EEF2K: variants seen among roughly 807,000 people sequenced by gnomAD.
EEF2K encodes eukaryotic elongation factor 2 kinase.
In EEF2K, 70 loss-of-function variants were observed where a neutral mutation model predicts 93.8. The ratio of observed to expected loss-of-function variants is 0.75; its 90% CI spans 0.62 to 0.91. The LOEUF is 0.91. Among genes scored for constraint, EEF2K ranks in the 40% least tolerant of loss-of-function variants. EEF2K has a pLI of 0.00. For missense variants in EEF2K, 935 were observed against 972.9 expected, an observed-to-expected ratio of 0.96 and a Z score of 0.52; for synonymous variants, 376 against 380.8, an observed-to-expected ratio of 0.99 and a Z score of 0.15.
At chr16:22,268,649 T>A (rs948460823) in intron 15 of EEF2K, among the ~76,000 whole-genome samples, 5 of 151,772 alleles carry the variant, frequency 3.3e-5, no homozygotes, top group Admixed American at 6.6e-5. Flanking sequence ...TTTTTTTTTT[T>A]AATTTTTAAA....
chr16:22,250,398 T>A (rs1268765916), intron 4 of EEF2K, among the ~76,000 whole-genome samples: 2 of 152,106 alleles, frequency 1.3e-5, no homozygotes, highest in African/African-American at 4.8e-5. Flanking sequence ...TCCCCCATCA[T>A]CCTGCCCCCG....
Position 22,286,040 on chromosome 16 carries a change from T to A in EEF2K, c.*2044T>A, listed in dbSNP as rs1164991785. 6.6e-6 allele frequency: 1 copy of A among 152,160 alleles called. No individual in the cohort carries two copies. The highest frequency in any genetic ancestry group is 1.5e-5 in the Non-Finnish European group (1 of 68,022). 9.4% of individuals were successfully genotyped at this position (152,160 alleles called of 1,614,324 possible). The stretch of plus-strand genomic sequence containing the variant: ...TTGGAGGCACAAACCCATGCAAGCG[T>A]TAGTTCCAAAGTTCAGTGTGTACCC... On this transcript the variant is annotated 3_prime_UTR_variant, in exon 18 of 18. Transcript: ENST00000263026.
chr16:22,249,266 C>T (rs1174372287), intron 4 of EEF2K, among the ~76,000 whole-genome samples: 6 of 150,102 alleles, frequency 4.0e-5, no homozygotes, highest in East Asian at 2.0e-4. Flanking sequence ...CCACCACACC[C>T]GTCTCTACTA....
intron 1 of EEF2K, among the ~76,000 whole-genome samples, chr16:22,213,960 T>G (rs1046001882): frequency 9.9e-5 from 15 of 152,236 alleles, no homozygotes; most frequent in African/African-American, 3.6e-4. Flanking sequence ...AGGTAACATA[T>G]TCACAGGTTC....
In EEF2K at chr16:22,272,823, G is replaced by A. The variant is rs921286387; in HGVS notation, c.1765-803G>A. 6.6e-5 allele frequency among the ~76,000 whole-genome samples: 10 copies of A among 152,156 alleles called. No homozygotes were observed. In the South Asian group the frequency reaches 1.7e-3, roughly 25 times the overall value. ...ATTACAGGTATGCATCACCACGCCTGGTTAATTTTTGTATTTTTAGTAGAG... is the reference window on the plus strand; with the variant it reads ...ATTACAGGTATGCATCACCACGCCTAGTTAATTTTTGTATTTTTAGTAGAG... On this transcript the variant is annotated intron_variant, in intron 15 of 17. Coordinates refer to ENST00000263026, the MANE Select transcript of EEF2K (RefSeq NM_013302.5).
intron 6 of EEF2K, among the ~76,000 whole-genome samples, chr16:22,252,645 C>T (rs531484112): frequency 1.3e-5 from 2 of 152,144 alleles, no homozygotes; most frequent in African/African-American, 2.4e-5. Context: ...CAAGAAAAAG[C>T]GGAAGAAAGA....
intron 3 of EEF2K, among the ~76,000 whole-genome samples, chr16:22,246,037 C>T (rs948321129): frequency 1.3e-5 from 2 of 152,150 alleles, no homozygotes; most frequent in African/African-American, 2.4e-5. Flanking sequence ...GAGGCTCAGT[C>T]CTACAAGACC....
At chr16:22,238,251 C>T (rs2047186890) in intron 2 of EEF2K, among the ~76,000 whole-genome samples, 1 of 152,176 alleles carries the variant, frequency 6.6e-6, no homozygotes, top group South Asian at 2.1e-4. Flanking sequence ...GGCGCCACTG[C>T]ACTCCAGCCT....
At chr16:22,244,309 GTA>G (rs1555471050) in intron 2 of EEF2K, among the ~76,000 whole-genome samples, 67 of 142,126 alleles carry the variant, frequency 4.7e-4, no homozygotes, top group South Asian at 1.4e-3. Flanking sequence ...GTGTGTGTGT[GTA>G]TATCCTATAT....
rs561154402 is a variant in EEF2K at position 22,210,229 on chromosome 16, A to G, written c.-77+3550A>G. 4.3e-4 allele frequency among the ~76,000 whole-genome samples: 65 copies of G among 152,300 alleles called. 1 individual carries two copies. In the South Asian group the frequency reaches 8.1e-3, roughly 19 times the overall value. On this transcript the variant is annotated intron_variant, in intron 1 of 17. Coordinates refer to ENST00000263026, the MANE Select transcript of EEF2K (RefSeq NM_013302.5). ...AGAGAAGCGTCTCAAATGGCTCCAG[A>G]GTCAGAAGGTGGATGGCGTTCTGTT...
At chr16:22,207,217 G>T (rs1313829486) in intron 1 of EEF2K, among the ~76,000 whole-genome samples, 1 of 152,220 alleles carries the variant, frequency 6.6e-6, no homozygotes, top group Non-Finnish European at 1.5e-5. Flanking sequence ...GGCCGCGCGG[G>T]GGTGGGGGCC....
intron 2 of EEF2K, among the ~76,000 whole-genome samples, chr16:22,235,222 A>AG (rs2047156644): frequency 1.3e-5 from 2 of 152,100 alleles, no homozygotes; most frequent in Admixed American, 1.3e-4. Context: ...TCAAAAAAAA[A>AG]AAAGTGCAGA....
intron 2 of EEF2K, among the ~76,000 whole-genome samples, chr16:22,232,277 A>G (rs560031383): frequency 1.3e-5 from 2 of 152,116 alleles, no homozygotes; most frequent in East Asian, 3.9e-4. Flanking sequence ...CCCAGGCTGG[A>G]GTACAGTGGC....
chr16:22,253,399 A>C (rs1598189023), intron 6 of EEF2K, among the ~76,000 whole-genome samples: 1 of 151,952 alleles, frequency 6.6e-6, no homozygotes, highest in Non-Finnish European at 1.5e-5. Context: ...CACAGTCCCC[A>C]CCCTGGGGGG....
chr16:22,219,195 T>G (rs1184921372), intron 1 of EEF2K, among the ~76,000 whole-genome samples: 1 of 152,176 alleles, frequency 6.6e-6, no homozygotes, highest in Non-Finnish European at 1.5e-5. Context: ...GGAAGGTTCC[T>G]TGCTTGTTTG....
rs2047763306 is a variant in EEF2K at position 22,287,483 on chromosome 16, C to A, written c.*3487C>A. On this transcript the variant is annotated 3_prime_UTR_variant, in exon 18 of 18. Coordinates refer to ENST00000263026, the MANE Select transcript of EEF2K (RefSeq NM_013302.5). ...GGATTATCATCCAGTACTTTCATTT[C>A]ACAAATGGAGAAACCGAGGTTCTGC... The A allele has an allele frequency of 6.6e-6, 1 of 152,214 alleles. No homozygotes were observed. Among genetic ancestry groups the A allele is most frequent in the South Asian group, 2.1e-4 (1 of 4,832 alleles). The allele number at this position is 152,214 out of a possible 1,614,324, so 9.4% of individuals were successfully genotyped here.
chr16:22,221,189 G>A (rs941988905), intron 1 of EEF2K, among the ~76,000 whole-genome samples: 11 of 152,256 alleles, frequency 7.2e-5, no homozygotes, highest in African/African-American at 2.4e-4. Flanking sequence ...AAGTAGAATA[G>A]AAAATAGCAA....
intron 2 of EEF2K, among the ~76,000 whole-genome samples, chr16:22,239,374 G>A (rs2047199016): frequency 6.6e-6 from 1 of 152,180 alleles, no homozygotes; most frequent in African/African-American, 2.4e-5. Context: ...GTCGTAGACA[G>A]AGAACAGGGC....
chr16:22,245,870 C>A (rs1311957603), intron 3 of EEF2K, among the ~76,000 whole-genome samples: 2 of 152,172 alleles, frequency 1.3e-5, no homozygotes, highest in Non-Finnish European at 2.9e-5. Flanking sequence ...TCCCCACCCA[C>A]AAGCAAGTAA....
Sources: gnomAD v4.1 joint callset for allele counts (sites outside exome capture counted in the v4.1 genomes callset) on GRCh38, gnomAD v4.1.1 for gene constraint, MANE v1.5 for transcripts, NCBI Gene and HGNC (gene_info 2026-07-23, HGNC 2026-07-21) for gene names.